The following RYR3 variants were observed in gnomAD, a reference collection of about 807,000 sequenced individuals.
RYR3 encodes brain ryanodine receptor-calcium release channel.
RYR3 carries 207 observed loss-of-function variants against 584.3 expected under a neutral mutation model. That is an observed-to-expected ratio of 0.35 (90% CI 0.32 to 0.40). The LOEUF (loss-of-function observed/expected upper bound fraction) is 0.40, where lower values mean the gene tolerates loss of function less well. Ranked by LOEUF, RYR3 falls within the 10% of genes least tolerant of loss-of-function variation. The probability of loss-of-function intolerance (pLI) is 1.00; values close to 1 mark genes in which losing one functional copy is unlikely to be tolerated. For synonymous variants in RYR3, 2,416 were observed against 2,248.5 expected (o/e 1.07, Z -2.11); for missense variants, 5,616 against 6,089.2 (o/e 0.92, Z 2.59).
intron 12 of RYR3, among the ~76,000 whole-genome samples, chr15:33,572,658 T>TATACACACACACAC (rs533341248): frequency 4.8e-5 from 6 of 124,512 alleles, no homozygotes; most frequent in African/African-American, 2.0e-4. Context: ...AAACTATATA[T>TATACACACACACAC]ACACACACAC....
intron 1 of RYR3, among the ~76,000 whole-genome samples, chr15:33,460,517 G>A (rs987649449): frequency 1.3e-5 from 2 of 152,094 alleles, no homozygotes; most frequent in African/African-American, 2.4e-5. Context: ...TGTATTCTGA[G>A]GACTTAGCGA....
chr15:33,457,031 A>G (rs376306435), intron 1 of RYR3, among the ~76,000 whole-genome samples: 1 of 152,292 alleles, frequency 6.6e-6, no homozygotes, highest in East Asian at 1.9e-4. Context: ...GGTTTTTTAA[A>G]TGTTTGGAAT....
chr15:33,678,660 T>C (rs895049412), intron 38 of RYR3, among the ~76,000 whole-genome samples: 4 of 152,228 alleles, frequency 2.6e-5, no homozygotes, highest in Non-Finnish European at 5.9e-5. Flanking sequence ...GATAGAAGTG[T>C]ACATACCCAA....
intron 43 of RYR3, among the ~76,000 whole-genome samples, chr15:33,713,427 A>G (rs139856534): frequency 2.6e-5 from 4 of 151,354 alleles, no homozygotes; most frequent in Non-Finnish European, 4.4e-5. Context: ...GATGATGGTG[A>G]TGATGGGATA....
chr15:33,628,925 A>C lies in RYR3; in HGVS notation c.2679+350A>C, dbSNP rs576171341. On this transcript the variant is annotated intron_variant, in intron 21 of 103. Transcript: ENST00000634891. ...AGATGTGTCACTAAGATTAATGGAC[A>C]CTCAGAGGAGGATAGGGAATCTTTC... 4.6e-5 allele frequency among the ~76,000 whole-genome samples: 7 copies of C among 152,314 alleles called. No individual in the cohort carries two copies. The South Asian group carries it at 1.2e-3, about 27-fold the overall frequency.
intron 60 of RYR3, among the ~76,000 whole-genome samples, chr15:33,767,215 C>T (rs1314565295): frequency 1.3e-5 from 2 of 152,132 alleles, no homozygotes; most frequent in African/African-American, 4.8e-5. Flanking sequence ...AGTTAAGGGG[C>T]TTCCCCAAGA....
rs569972294 is a variant in RYR3 at position 33,447,469 on chromosome 15, A to G, written c.52-25950A>G. On this transcript the variant is annotated intron_variant, in intron 1 of 103. Coordinates refer to ENST00000634891, the MANE Select transcript of RYR3 (RefSeq NM_001036.6). ...CATGCCCACTTACTTTCCTCCGAGC[A>G]GTATTGGGATTTTGGACTTCTTAGG... 4.6e-5 allele frequency among the ~76,000 whole-genome samples: 7 copies of G among 152,244 alleles called. No homozygotes were observed. In the South Asian group the frequency reaches 8.3e-4, roughly 18 times the overall value.
At chr15:33,514,562 T>G (rs1233593617) in intron 3 of RYR3, among the ~76,000 whole-genome samples, 1 of 152,164 alleles carries the variant, frequency 6.6e-6, no homozygotes, top group African/African-American at 2.4e-5. Context: ...CTTAAAATAC[T>G]CATTTTCATG....
At chr15:33,768,232 A>C (rs1459694597) in intron 60 of RYR3, among the ~76,000 whole-genome samples, 1 of 152,224 alleles carries the variant, frequency 6.6e-6, no homozygotes, top group Non-Finnish European at 1.5e-5. Context: ...CTAAAACTTC[A>C]TACCCTCAAT....
intron 12 of RYR3, among the ~76,000 whole-genome samples, chr15:33,571,891 CT>C (rs1206215864): frequency 6.6e-6 from 1 of 152,028 alleles, no homozygotes; most frequent in East Asian, 1.9e-4. Context: ...CCCTTACTAC[CT>C]TTTTTTGTGT....
chr15:33,806,296 T>C (rs761243025), intron 69 of RYR3, among the ~76,000 whole-genome samples: 2 of 152,168 alleles, frequency 1.3e-5, no homozygotes, highest in Non-Finnish European at 2.9e-5. Flanking sequence ...CCACTGGTGA[T>C]AGTTTATGAT....
At chr15:33,491,524 T>G in intron 2 of RYR3, among the ~76,000 whole-genome samples, 1 of 152,226 alleles carries the variant, frequency 6.6e-6, no homozygotes, top group East Asian at 1.9e-4. Flanking sequence ...TCAGTTTCTA[T>G]CAATGCATTC....
intron 34 of RYR3, 105 bp downstream of exon 34, chr15:33,660,528 A>C: frequency 1.4e-6 from 1 of 698,350 alleles, no homozygotes; most frequent in South Asian, 2.0e-5. Context: ...GATCCTGCTC[A>C]GTCCCAGTAT....
At chr15:33,681,607 C>G (rs1566942062) in intron 38 of RYR3, among the ~76,000 whole-genome samples, 1 of 152,214 alleles carries the variant, frequency 6.6e-6, no homozygotes, top group Non-Finnish European at 1.5e-5. Flanking sequence ...TATCTACCAC[C>G]TGTTCATGCC....
intron 52 of RYR3, among the ~76,000 whole-genome samples, chr15:33,743,781 G>T (rs949003213): frequency 1.2e-4 from 18 of 152,194 alleles, no homozygotes; most frequent in Admixed American, 9.8e-4. Flanking sequence ...CTCCTTGCAG[G>T]TCTCCTCAAG....
chr15:33,377,179 G>T (rs191715181), intron 1 of RYR3, among the ~76,000 whole-genome samples: 11 of 152,314 alleles, frequency 7.2e-5, no homozygotes, highest in Admixed American at 6.5e-5. Flanking sequence ...AATTGGCTAG[G>T]CTATGCCATG....
At chr15:33,352,499 T>C (rs1567078696) in intron 1 of RYR3, among the ~76,000 whole-genome samples, 1 of 152,142 alleles carries the variant, frequency 6.6e-6, no homozygotes, top group African/African-American at 2.4e-5. Flanking sequence ...CACCACACTC[T>C]GGAGTCTGCC....
intron 60 of RYR3, 77 bp downstream of exon 60, chr15:33,757,673 G>GACTC: frequency 6.7e-7 from 1 of 1,496,842 alleles, no homozygotes; most frequent in South Asian, 1.2e-5. Context: ...TGGACTAAAA[G>GACTC]GCGAGTCTTT....
chr15:33,810,738 TG>T, intron 71 of RYR3, 89 bp downstream of exon 71: 4 of 1,515,972 alleles, frequency 2.6e-6, no homozygotes, highest in South Asian at 2.4e-5. Flanking sequence ...CCTCCTCCCC[TG>T]GGGGGCGGGG....
Sources: allele counts gnomAD v4.1 joint callset (sites outside exome capture counted in the v4.1 genomes callset), GRCh38; gene constraint gnomAD v4.1.1; transcripts MANE v1.5; gene names NCBI Gene and HGNC (gene_info 2026-07-23, HGNC 2026-07-21).